The following RORA variants were observed in gnomAD, a reference collection of about 807,000 sequenced individuals.
RORA encodes the protein nuclear receptor ROR-alpha.
RORA carries 7 observed loss-of-function variants against 69.5 expected under a neutral mutation model. The observed-to-expected ratio is 0.10, with a 90% CI of 0.06 to 0.19. The LOEUF (loss-of-function observed/expected upper bound fraction) is 0.19, where lower values mean the gene tolerates loss of function less well. Ranked by LOEUF, RORA falls within the 10% of genes least tolerant of loss-of-function variation. The pLI is 1.00. For missense variants in RORA, 457 were observed against 663.0 expected, an observed-to-expected ratio of 0.69 and a Z score of 3.41; for synonymous variants, 261 against 240.8, an observed-to-expected ratio of 1.08 and a Z score of -0.78.
At chr15:61,022,035 T>G (rs1870680994) in intron 1 of RORA, among the ~76,000 whole-genome samples, 1 of 152,178 alleles carries the variant, frequency 6.6e-6, no homozygotes, top group African/African-American at 2.4e-5. Context: ...GCTGACAGGA[T>G]GTACTTACAC....
chr15:60,798,168 A>G (rs2072524779), intron 1 of RORA, among the ~76,000 whole-genome samples: 1 of 151,420 alleles, frequency 6.6e-6, no homozygotes, highest in Non-Finnish European at 1.5e-5. Context: ...GCCCCAAACA[A>G]TGAAATGAGC....
chr15:61,224,966 C>T (rs915842790), intron 1 of RORA, among the ~76,000 whole-genome samples: 1 of 152,044 alleles, frequency 6.6e-6, no homozygotes. Context: ...CCTCACCATG[C>T]CAGTAGGTAT....
intron 1 of RORA, among the ~76,000 whole-genome samples, chr15:61,178,867 C>T (rs917790607): frequency 6.6e-6 from 1 of 152,176 alleles, no homozygotes; most frequent in African/African-American, 2.4e-5. Context: ...ATAGACTATA[C>T]CCGCTTTTGA....
chr15:60,678,927 T>C (rs535386511), intron 1 of RORA, among the ~76,000 whole-genome samples: 22 of 152,184 alleles, frequency 1.4e-4, no homozygotes, highest in African/African-American at 4.6e-4. Context: ...GTGGGGAGCA[T>C]GGACAATAAC....
chr15:61,228,979 C>T, intron 1 of RORA, 74 bp downstream of exon 1: 1 of 811,986 alleles, frequency 1.2e-6, no homozygotes, highest in Non-Finnish European at 1.5e-6. Flanking sequence ...GCCCCGGGCG[C>T]CCGCTCCCGG....
chr15:60,781,052 G>A (rs912971462), intron 1 of RORA, among the ~76,000 whole-genome samples: 4 of 152,170 alleles, frequency 2.6e-5, no homozygotes, highest in African/African-American at 9.7e-5. Context: ...CTTCTTGAAG[G>A]TAACAAAACC....
At chr15:60,911,439 A>G (rs1891713363) in intron 1 of RORA, among the ~76,000 whole-genome samples, 1 of 152,164 alleles carries the variant, frequency 6.6e-6, no homozygotes, top group Admixed American at 6.5e-5. Flanking sequence ...ACTGGCGGAC[A>G]AAATAGATAG....
chr15:60,723,722 T>A (rs940754790), intron 1 of RORA, among the ~76,000 whole-genome samples: 2 of 152,194 alleles, frequency 1.3e-5, no homozygotes, highest in Non-Finnish European at 2.9e-5. Context: ...ATCCATTTAT[T>A]CATCTATTCA....
At chr15:60,626,461 A>G (rs1435172725) in intron 2 of RORA, among the ~76,000 whole-genome samples, 1 of 152,250 alleles carries the variant, frequency 6.6e-6, no homozygotes, top group Non-Finnish European at 1.5e-5. Context: ...AAGAATGCAC[A>G]TGGAGTAATA....
At chr15:60,838,880 A>C (rs2073156285) in intron 1 of RORA, among the ~76,000 whole-genome samples, 1 of 67,402 alleles carries the variant, frequency 1.5e-5, no homozygotes, top group African/African-American at 3.4e-5. Flanking sequence ...ACACACACAC[A>C]CACACACATA....
Position 60,610,439 on chromosome 15 carries a change from G to A in RORA, c.196+68218C>T, listed in dbSNP as rs547392067. Reference sequence around the variant, plus strand: ...GTGACCTTCTGAGTGAACTTTGGGAGAGACGTGCTCTTTGGTTTTGTCTGG... The same window carrying A: ...GTGACCTTCTGAGTGAACTTTGGGAAAGACGTGCTCTTTGGTTTTGTCTGG... On this transcript the variant is annotated intron_variant, in intron 2 of 10. Transcript: ENST00000335670. Among the ~76,000 whole-genome samples the A allele has an allele frequency of 2.6e-5, 4 of 152,278 alleles. No individual in the cohort carries two copies. In the East Asian group the frequency reaches 7.7e-4, roughly 29 times the overall value.
rs563822160 is a variant in RORA, at chr15:61,063,735, G to A, written c.166+165318C>T. Among the ~76,000 whole-genome samples, 5 of 152,308 alleles carry A rather than the reference G, an allele frequency of 3.3e-5. No individual in the cohort carries two copies. The South Asian group carries it at 1.0e-3, about 32-fold the overall frequency. ...ATTTAGAGTGCTTCCTGGCACATGT[G>A]TGTGGTCAATATTAACTATTGTTAT... On this transcript the variant is annotated intron_variant, in intron 1 of 10. Transcript: ENST00000335670.
Position 60,977,348 on chromosome 15 carries a change from C to A in RORA, c.166+251705G>T, listed in dbSNP as rs146750945. Among the ~76,000 whole-genome samples, 749 of 151,944 alleles carry A rather than the reference C, an allele frequency of 4.9e-3. 5 individuals carry two copies. The highest frequency in any genetic ancestry group is 0.017 in the African/African-American group (705 of 41,444). On this transcript the variant is annotated intron_variant, in intron 1 of 10. Coordinates refer to ENST00000335670, the MANE Select transcript of RORA (RefSeq NM_134261.3). ...GTCAGTCGTCAGTTTAACAAAGGAT[C>A]CTCTGTTTAAAAATAAAATGTTATG...
intron 1 of RORA, among the ~76,000 whole-genome samples, chr15:61,018,411 T>G (rs1380332369): frequency 5.3e-5 from 8 of 152,106 alleles, no homozygotes; most frequent in Non-Finnish European, 1.0e-4. Context: ...AAAAAAAGGA[T>G]GCAGAAACAA....
intron 1 of RORA, among the ~76,000 whole-genome samples, chr15:60,792,249 A>G (rs1426759443): frequency 6.6e-6 from 1 of 152,184 alleles, no homozygotes; most frequent in East Asian, 1.9e-4. Context: ...AAAGTATTCA[A>G]TCTTAAGAAC....
At chr15:61,162,605 A>T (rs1470677597) in intron 1 of RORA, among the ~76,000 whole-genome samples, 2 of 152,208 alleles carry the variant, frequency 1.3e-5, no homozygotes, top group Non-Finnish European at 2.9e-5. Context: ...ATAAATTAAT[A>T]GAATTCTAGA....
chr15:60,695,644 G>A (rs1247751586), intron 1 of RORA, among the ~76,000 whole-genome samples: 3 of 151,934 alleles, frequency 2.0e-5, no homozygotes, highest in African/African-American at 7.3e-5. Context: ...ATGCCAATAC[G>A]GACGAAGGTC....
At chr15:60,549,720 C>T (rs2067175716) in intron 2 of RORA, among the ~76,000 whole-genome samples, 2 of 152,122 alleles carry the variant, frequency 1.3e-5, no homozygotes, top group African/African-American at 4.8e-5. Flanking sequence ...ATTATAAATT[C>T]AAACTATAAC....
chr15:60,787,815 C>G (rs2072359162), intron 1 of RORA, among the ~76,000 whole-genome samples: 2 of 152,234 alleles, frequency 1.3e-5, no homozygotes, highest in Non-Finnish European at 2.9e-5. Context: ...CTTCCCCAAA[C>G]AAGGCATTGA....
Sources: gnomAD v4.1 joint callset for allele counts (sites outside exome capture counted in the v4.1 genomes callset) on GRCh38, gnomAD v4.1.1 for gene constraint, MANE v1.5 for transcripts, NCBI Gene and HGNC (gene_info 2026-07-23, HGNC 2026-07-21) for gene names.